The following CTDSPL2 variants were observed in gnomAD, a reference collection of about 807,000 sequenced individuals.
CTDSPL2 encodes the protein CTD small phosphatase like 2.
CTDSPL2 carries 5 observed loss-of-function variants against 60.0 expected under a neutral mutation model. That is an observed-to-expected ratio of 0.08 (90% CI 0.04 to 0.18). CTDSPL2 has a LOEUF of 0.18. Ranked by LOEUF, CTDSPL2 falls within the 10% of genes least tolerant of loss-of-function variation. The pLI, the probability that CTDSPL2 is intolerant of heterozygous loss-of-function variation, is 1.00. For synonymous variants in CTDSPL2, 186 were observed against 189.3 expected (o/e 0.98, Z 0.14); for missense variants, 370 against 548.8 (o/e 0.67, Z 3.26).
In CTDSPL2 at chr15:44,427,719, C is replaced by A; in HGVS notation, c.-78C>A. On this transcript the variant is annotated 5_prime_UTR_variant, in exon 1 of 13. Transcript: ENST00000260327. ...TAAGCGGGAAAGACACCACACATTG[C>A]GCAGTCGGGACCATCGCCGGAGCCT... 1 of 399,362 alleles carries A rather than the reference C, an allele frequency of 2.5e-6. No individual in the cohort carries two copies. The allele number at this position is 399,362 out of a possible 1,614,324, so 24.7% of individuals were successfully genotyped here. A position where few individuals can be genotyped will look rare whatever the true frequency, so the allele number is the denominator to read the frequency against.
At chr15:44,439,303 C>G (rs1278289761) in intron 1 of CTDSPL2, among the ~76,000 whole-genome samples, 3 of 151,934 alleles carry the variant, frequency 2.0e-5, no homozygotes, top group Admixed American at 2.0e-4. Flanking sequence ...CACCCACCAC[C>G]ATGCCCGTCT....
At chr15:44,479,407 C>CTTTTTTTTTTTTTTTTTT (rs11414036) in intron 2 of CTDSPL2, among the ~76,000 whole-genome samples, 1 of 97,890 alleles carries the variant, frequency 1.0e-5, no homozygotes, top group African/African-American at 4.3e-5. Context: ...ATTTTCTTTC[C>CTTTTTTTTTTTTTTTTTT]TTTTTTTTTT....
chr15:44,479,554 C>T (rs1367421437), intron 2 of CTDSPL2, among the ~76,000 whole-genome samples: 1 of 151,614 alleles, frequency 6.6e-6, no homozygotes, highest in Non-Finnish European at 1.5e-5. Flanking sequence ...ACTATAGGCA[C>T]ATGCCACCAT....
rs992185400 is a variant in CTDSPL2 at position 44,468,332 on chromosome 15, T to A, written c.186+9132T>A. Among the ~76,000 whole-genome samples the A allele has an allele frequency of 4.0e-5, 6 of 151,696 alleles. No individual in the cohort carries two copies. The East Asian group carries it at 1.2e-3, about 29-fold the overall frequency. ...ATTTGACATCATATTTTGTTGGTAT[T>A]TATTAATTTAATACTGTCTATAGAA... is the stretch of plus-strand genomic sequence containing the variant. On this transcript the variant is annotated intron_variant, in intron 2 of 12. Coordinates refer to ENST00000260327, the MANE Select transcript of CTDSPL2 (RefSeq NM_016396.3).
chr15:44,506,777 T>G (rs2140847473), intron 8 of CTDSPL2, among the ~76,000 whole-genome samples: 1 of 151,468 alleles, frequency 6.6e-6, no homozygotes, highest in East Asian at 2.0e-4. Context: ...TGCAGGAACT[T>G]TTTTTTTGAG....
At chr15:44,517,080 C>T (rs564197128) in intron 10 of CTDSPL2, among the ~76,000 whole-genome samples, 18 of 151,450 alleles carry the variant, frequency 1.2e-4, no homozygotes, top group Admixed American at 7.2e-4. Context: ...CCTCGTGATC[C>T]GCCCACGTTG....
intron 2 of CTDSPL2, among the ~76,000 whole-genome samples, chr15:44,481,475 A>G (rs1041866120): frequency 6.6e-6 from 1 of 152,206 alleles, no homozygotes; most frequent in Admixed American, 6.5e-5. Flanking sequence ...ACCAGACAAC[A>G]AACTGAATAA....
chr15:44,519,216 T>C lies in CTDSPL2; in HGVS notation c.1160T>C (p.Ile387Thr). The C allele has an allele frequency of 6.4e-7, 1 of 1,569,140 alleles. No individual in the cohort carries two copies. The highest frequency in any genetic ancestry group is 8.6e-7 in the Non-Finnish European group (1 of 1,163,948). The change falls in exon 11 of 13, where the codon ATA (isoleucine) becomes ACA (threonine). Residue 387 changes from isoleucine (I) to threonine (T), a missense_variant. Ile to Thr is a moderately conservative substitution (Grantham distance 89, BLOSUM62 -1). Coordinates refer to ENST00000260327, the MANE Select transcript of CTDSPL2 (RefSeq NM_016396.3). Reference sequence around the variant, plus strand: ...TGTGTTTGTGTACAAGGAAACTATATAAAGGACTTAAATATTCTTGGAAGA... The same window carrying C: ...TGTGTTTGTGTACAAGGAAACTATACAAAGGACTTAAATATTCTTGGAAGA... ...EHCVCVQGNY[I>T]KDLNILGRDL...
Position 44,525,960 on chromosome 15 carries a change from A to G in CTDSPL2, c.*1786A>G, listed in dbSNP as rs2081864783. 6.6e-6 allele frequency: 1 copy of G among 152,302 alleles called. No individual in the cohort carries two copies. The highest frequency in any genetic ancestry group is 1.5e-5 in the Non-Finnish European group (1 of 68,060). 9.4% of individuals were successfully genotyped at this position (152,302 alleles called of 1,614,324 possible). A position where few individuals can be genotyped will look rare whatever the true frequency, so the allele number is the denominator to read the frequency against. On this transcript the variant is annotated 3_prime_UTR_variant, in exon 13 of 13. Coordinates refer to ENST00000260327, the MANE Select transcript of CTDSPL2 (RefSeq NM_016396.3). ...ATCCTTATTCATTAAAAAAATAATC[A>G]TGGCAGATTTTCTGCAAAAAAAAAA...
intron 1 of CTDSPL2, among the ~76,000 whole-genome samples, chr15:44,458,377 C>T (rs1456297696): frequency 6.6e-6 from 1 of 151,944 alleles, no homozygotes; most frequent in Non-Finnish European, 1.5e-5. Context: ...AATAAATAGC[C>T]TCATATTTTC....
At chr15:44,427,849 C>CT in intron 1 of CTDSPL2, 77 bp downstream of exon 1, 1 of 396,136 alleles carries the variant, frequency 2.5e-6, no homozygotes, top group Non-Finnish European at 4.4e-6. Flanking sequence ...CTGCCGGGAT[C>CT]TCCTCCCCTT....
chr15:44,460,825 A>G (rs2080551301), intron 2 of CTDSPL2, among the ~76,000 whole-genome samples: 1 of 152,252 alleles, frequency 6.6e-6, no homozygotes, highest in African/African-American at 2.4e-5. Context: ...ATCATATAAC[A>G]AAGATGAAAT....
intron 2 of CTDSPL2, among the ~76,000 whole-genome samples, chr15:44,460,539 G>A (rs948578177): frequency 1.3e-5 from 2 of 152,112 alleles, no homozygotes; most frequent in Non-Finnish European, 2.9e-5. Flanking sequence ...TATAATGGAA[G>A]TGTATTACTT....
At chr15:44,440,769 T>C (rs1327789022) in intron 1 of CTDSPL2, among the ~76,000 whole-genome samples, 2 of 152,168 alleles carry the variant, frequency 1.3e-5, no homozygotes, top group Non-Finnish European at 2.9e-5. Flanking sequence ...ATGCTGGATA[T>C]TGTGAATAGG....
At chr15:44,483,376 A>G (rs2081064515) in intron 2 of CTDSPL2, among the ~76,000 whole-genome samples, 1 of 151,408 alleles carries the variant, frequency 6.6e-6, no homozygotes, top group Admixed American at 6.6e-5. Flanking sequence ...CGTCTCTACT[A>G]AAAATACAAA....
chr15:44,441,812 A>C (rs752259904), intron 1 of CTDSPL2, among the ~76,000 whole-genome samples: 4 of 152,146 alleles, frequency 2.6e-5, no homozygotes, highest in Non-Finnish European at 5.9e-5. Flanking sequence ...GGCAGAACCC[A>C]GTTAATTTAG....
chr15:44,490,769 G>T lies in CTDSPL2; in HGVS notation c.476-15G>T. 2 of 1,601,736 alleles carry T rather than the reference G, an allele frequency of 1.2e-6. No individual in the cohort carries two copies. Among genetic ancestry groups the T allele is most frequent in the South Asian group, 2.2e-5 (2 of 90,768 alleles). On this transcript the variant is annotated splice_polypyrimidine_tract_variant and intron_variant, in intron 4 of 12. Coordinates refer to ENST00000260327, the MANE Select transcript of CTDSPL2 (RefSeq NM_016396.3). ...CATTTTTAAATGATGATAGTACACTGAATCATGATTTCAGGAACGTCAGGA... is the reference window on the plus strand; with the variant it reads ...CATTTTTAAATGATGATAGTACACTTAATCATGATTTCAGGAACGTCAGGA...
chr15:44,479,004 C>G (rs1326794463), intron 2 of CTDSPL2, among the ~76,000 whole-genome samples: 1 of 151,962 alleles, frequency 6.6e-6, no homozygotes, highest in East Asian at 1.9e-4. Context: ...AATTGACATG[C>G]CACTCCTGGC....
intron 1 of CTDSPL2, 128 bp from the exon 2 acceptor site, chr15:44,458,863 C>G (rs1232653411): frequency 6.1e-6 from 3 of 493,832 alleles, no homozygotes; most frequent in Non-Finnish European, 1.0e-5. Flanking sequence ...CTGCAGTCTC[C>G]TAGAGTCTAG....
Sources: gnomAD v4.1 joint callset for allele counts (sites outside exome capture counted in the v4.1 genomes callset) on GRCh38, gnomAD v4.1.1 for gene constraint, MANE v1.5 for transcripts, NCBI Gene and HGNC (gene_info 2026-07-23, HGNC 2026-07-21) for gene names.